Variants in OR51G2 observed in about 807,000 individuals in gnomAD.
The protein encoded by OR51G2 is olfactory receptor 51G2.
OR51G2 carries 13 observed loss-of-function variants against 11.8 expected under a neutral mutation model. The observed-to-expected ratio is 1.10, with a 90% CI of 0.72 to 1.76. The LOEUF is 1.76. Among genes scored for constraint, OR51G2 ranks in the 40% most tolerant of loss-of-function variants. The pLI, the probability that OR51G2 is intolerant of heterozygous loss-of-function variation, is 0.00. For missense variants in OR51G2, 474 were observed against 394.4 expected, an observed-to-expected ratio of 1.20 and a Z score of -1.71; for synonymous variants, 178 against 151.9, an observed-to-expected ratio of 1.17 and a Z score of -1.26.
chr11:4,914,378 T>C lies in OR51G2; in HGVS notation c.*341A>G, dbSNP rs1003533869. Reference sequence around the variant, plus strand: ...GAAGATACATGGGCTATTTCCACAATACTCAATTCATGAGGCATTTACAAA... The same window carrying C: ...GAAGATACATGGGCTATTTCCACAACACTCAATTCATGAGGCATTTACAAA... On this transcript the variant is annotated 3_prime_UTR_variant, in exon 2 of 2. Coordinates refer to ENST00000641926, the MANE Select transcript of OR51G2 (RefSeq NM_001005238.2). 4 of 204,420 alleles carry C rather than the reference T, an allele frequency of 2.0e-5. No homozygotes were observed. Among genetic ancestry groups the C allele is most frequent in the African/African-American group, 7.0e-5 (3 of 43,018 alleles). 12.7% of individuals were successfully genotyped at this position (204,420 alleles called of 1,614,324 possible). A position where few individuals can be genotyped will look rare whatever the true frequency, so the allele number is the denominator to read the frequency against.
In OR51G2 at chr11:4,918,765, T is replaced by C. The variant is rs568767866; in HGVS notation, c.-77+412A>G. Among the ~76,000 whole-genome samples the C allele has an allele frequency of 3.3e-5, 5 of 152,344 alleles. No individual in the cohort carries two copies. In the Middle Eastern group the frequency reaches 0.014, roughly 415 times the overall value. ...TACTTTCTGAAGGGACTTGAGCAAG[T>C]TGAATGACTGTTCTGATTCTATTAT... On this transcript the variant is annotated intron_variant, in intron 1 of 1. Coordinates refer to ENST00000641926, the MANE Select transcript of OR51G2 (RefSeq NM_001005238.2).
rs1429362031 is a variant in OR51G2, at chr11:4,914,917, G to A, written c.747C>T (p.His249=). The A allele has an allele frequency of 6.2e-7, 1 of 1,614,148 alleles. No homozygotes were observed. The highest frequency in any genetic ancestry group is 8.5e-7 in the Non-Finnish European group (1 of 1,179,996). ...RFKALNTCVS[H]ICAVLLFYTP... is the part of the protein sequence containing the mutation. ...TGTAGAAGAGCAGCACAGCACAGAT[G>A]TGGGAAACACAGGTGTTAAGGGCCT... is the stretch of plus-strand genomic sequence containing the variant. Residue 249 remains histidine, a synonymous_variant, in exon 2 of 2, where the codon CAC becomes CAT. Coordinates refer to ENST00000641926, the MANE Select transcript of OR51G2 (RefSeq NM_001005238.2).
In OR51G2 at chr11:4,915,400, G is replaced by T; in HGVS notation, c.264C>A (p.Gly88=). The part of the protein sequence containing the change: ...LSLCTLPTVL[G]IFWVGAREIS... ...TTTCTCGTGCTCCAACCCAAAAGAT[G>T]CCCAGGACTGTAGGGAGAGTGCAAA... Residue 88 remains glycine (G), a synonymous_variant, in exon 2 of 2, where the codon GGC becomes GGA. Coordinates refer to ENST00000641926, the MANE Select transcript of OR51G2 (RefSeq NM_001005238.2). 1 of 1,614,020 alleles carries T rather than the reference G, an allele frequency of 6.2e-7. No individual in the cohort carries two copies. Among genetic ancestry groups the T allele is most frequent in the South Asian group, 1.1e-5 (1 of 91,074 alleles).
In OR51G2 at chr11:4,912,954, A is replaced by G. The variant is rs1203322918; in HGVS notation, c.*1765T>C. The stretch of plus-strand genomic sequence containing the variant: ...TACTCTTTCAAATTGGAAAAGAAAA[A>G]AAAAACAAGCTGTAACTATTCAAAT... On this transcript the variant is annotated 3_prime_UTR_variant, in exon 2 of 2. Transcript: ENST00000641926. The G allele has an allele frequency of 6.7e-6, 1 of 148,782 alleles. No homozygotes were observed. The highest frequency in any genetic ancestry group is 1.5e-5 in the Non-Finnish European group (1 of 67,524). 9.2% of individuals were successfully genotyped at this position (148,782 alleles called of 1,614,324 possible).
Position 4,914,551 on chromosome 11 carries a change from C to CT in OR51G2, c.*167_*168insA. 1.7e-6 allele frequency: 1 copy of CT among 574,090 alleles called. No homozygotes were observed. Among genetic ancestry groups the CT allele is most frequent in the Non-Finnish European group, 3.1e-6 (1 of 323,674 alleles). The allele number at this position is 574,090 out of a possible 1,614,324, so 35.6% of individuals were successfully genotyped here. The stretch of plus-strand genomic sequence containing the variant: ...CACATCATATTACATTTTACCCCCC[C>CT]CTGCCCTGGCCACAACAGAGTGAGG... On this transcript the variant is annotated 3_prime_UTR_variant, in exon 2 of 2. Transcript: ENST00000641926.
rs1851049271 is a variant in OR51G2 at position 4,914,780 on chromosome 11, A to G, written c.884T>C (p.Ile295Thr). Residue 295 changes from isoleucine (I) to threonine (T), a missense_variant, in exon 2 of 2, where the codon ATT (isoleucine) becomes ACT (threonine). Transcript: ENST00000641926. ...YLLFPPVMNP[I>T]VYSVKTKQIR... ...CTGTTTGGTCTTCACACTGTAGACA[A>G]TGGGATTCATCACAGGAGGAAAGAG... 6.2e-7 allele frequency: 1 copy of G among 1,614,036 alleles called. No homozygotes were observed. Among genetic ancestry groups the G allele is most frequent in the Non-Finnish European group, 8.5e-7 (1 of 1,179,974 alleles).
chr11:4,917,238 T>G (rs1307463937), intron 1 of OR51G2, among the ~76,000 whole-genome samples: 1 of 152,182 alleles, frequency 6.6e-6, no homozygotes, highest in Non-Finnish European at 1.5e-5. Context: ...CCTATGAATA[T>G]TCTATTGATA....
chr11:4,916,794 C>A (rs1851100340), intron 1 of OR51G2, among the ~76,000 whole-genome samples: 1 of 152,200 alleles, frequency 6.6e-6, no homozygotes, highest in Admixed American at 6.5e-5. Flanking sequence ...CCAGAATTCC[C>A]CAGAAGTCCA....
In OR51G2 at chr11:4,913,500, C is replaced by A. The variant is rs1851023994; in HGVS notation, c.*1219G>T. 6.6e-6 allele frequency: 1 copy of A among 152,160 alleles called. No homozygotes were observed. The highest frequency in any genetic ancestry group is 6.6e-5 in the Admixed American group (1 of 15,266). The allele number at this position is 152,160 out of a possible 1,614,324, so 9.4% of individuals were successfully genotyped here. On this transcript the variant is annotated 3_prime_UTR_variant, in exon 2 of 2. Coordinates refer to ENST00000641926, the MANE Select transcript of OR51G2 (RefSeq NM_001005238.2). ...TGCTTTCCTCACAGTTACCTCCAAGCCCAAACTGCAAATACTATATTGACA... is the reference window on the plus strand; with the variant it reads ...TGCTTTCCTCACAGTTACCTCCAAGACCAAACTGCAAATACTATATTGACA...
intron 1 of OR51G2, among the ~76,000 whole-genome samples, chr11:4,918,677 T>C (rs550794069): frequency 1.2e-4 from 19 of 152,084 alleles, no homozygotes; most frequent in Non-Finnish European, 2.2e-4. Flanking sequence ...CAGGATACAG[T>C]GGGTTCAGCA....
rs780053181 is a variant in OR51G2 at position 4,914,754 on chromosome 11, T to C, written c.910A>G (p.Ile304Val). The change falls in exon 2 of 2, where the codon ATC becomes GTC. Residue 304 changes from isoleucine to valine, a missense_variant. Coordinates refer to ENST00000641926, the MANE Select transcript of OR51G2 (RefSeq NM_001005238.2). ...AAGGCATGCGTCACTCGATCCCGGA[T>C]CTGTTTGGTCTTCACACTGTAGACA... ...PIVYSVKTKQ[I>V]RDRVTHAFCY 1.3e-5 allele frequency: 21 copies of C among 1,613,382 alleles called. No homozygotes were observed. In the South Asian group the frequency reaches 2.1e-4, roughly 16 times the overall value.
intron 1 of OR51G2, among the ~76,000 whole-genome samples, chr11:4,918,935 G>T (rs1370654345): frequency 2.0e-5 from 3 of 152,246 alleles, no homozygotes; most frequent in Admixed American, 2.0e-4. Context: ...GAGACTAGGG[G>T]TAGATGTTGA....
intron 1 of OR51G2, among the ~76,000 whole-genome samples, chr11:4,917,935 T>C (rs1171642225): frequency 6.6e-6 from 1 of 151,550 alleles, no homozygotes; most frequent in African/African-American, 2.4e-5. Flanking sequence ...CCTATTTCAT[T>C]TTAATGTCAA....
At chr11:4,918,471 G>A (rs950830923) in intron 1 of OR51G2, among the ~76,000 whole-genome samples, 1 of 152,130 alleles carries the variant, frequency 6.6e-6, no homozygotes, top group Non-Finnish European at 1.5e-5. Context: ...TAGGTTAGAG[G>A]AGGGGACTTG....
At chr11:4,916,150 C>A (rs1272346869) in intron 1 of OR51G2, among the ~76,000 whole-genome samples, 1 of 121,084 alleles carries the variant, frequency 8.3e-6, no homozygotes, top group Non-Finnish European at 1.8e-5. Flanking sequence ...AACCCAGTCT[C>A]TACTAAAAAA....
intron 1 of OR51G2, among the ~76,000 whole-genome samples, chr11:4,917,884 T>C (rs1449472512): frequency 1.3e-5 from 2 of 151,882 alleles, no homozygotes; most frequent in East Asian, 3.9e-4. Flanking sequence ...TGACAAATAG[T>C]AGATACTCTT....
chr11:4,917,612 G>A (rs1851117868), intron 1 of OR51G2, among the ~76,000 whole-genome samples: 1 of 152,140 alleles, frequency 6.6e-6, no homozygotes, highest in Non-Finnish European at 1.5e-5. Flanking sequence ...CTCACACCGT[G>A]CTCCTCAGCT....
chr11:4,914,809 A>T lies in OR51G2; in HGVS notation c.855T>A (p.Tyr285Ter). ...HLVQVVMGFM[Y>*]LLFPPVMNPI... ...GATTCATCACAGGAGGAAAGAGAAG[A>T]TACATGAAACCCATGACCACCTGGA... is the stretch of plus-strand genomic sequence containing the variant. Residue 285 changes from tyrosine (Y) to a stop codon, truncating the protein, a stop_gained, in exon 2 of 2, where the codon TAT becomes TAA. Transcript: ENST00000641926. LOFTEE classifies it high-confidence loss of function. 4 of 1,613,988 alleles carry T rather than the reference A, an allele frequency of 2.5e-6. No individual in the cohort carries two copies. Among genetic ancestry groups the T allele is most frequent in the South Asian group, 1.1e-5 (1 of 91,078 alleles).
rs190524949 is a variant in OR51G2, at chr11:4,915,220, C to G, written c.444G>C (p.Arg148Ser). The G allele has an allele frequency of 7.4e-5, 119 of 1,613,910 alleles. No homozygotes were observed. In the African/African-American group the frequency reaches 1.4e-3, roughly 19 times the overall value. Residue 148 changes from arginine (R) to serine (S), a missense_variant, in exon 2 of 2, where the codon AGG becomes AGC. Arg to Ser is a moderately radical substitution (Grantham distance 110). Coordinates refer to ENST00000641926, the MANE Select transcript of OR51G2 (RefSeq NM_001005238.2). ...VSILTNTVIG[R>S]IGLVSLGRSV... ...TACGACCCAGAGAGACCAGGCCAAT[C>G]CTGCCAATGACTGTGTTGGTGAGAA...
Sources: allele counts gnomAD v4.1 joint callset (sites outside exome capture counted in the v4.1 genomes callset), GRCh38; gene constraint gnomAD v4.1.1; transcripts MANE v1.5; gene names NCBI Gene and HGNC (gene_info 2026-07-23, HGNC 2026-07-21).